GATA4: variants seen among roughly 807,000 people sequenced by gnomAD.
GATA4 encodes transcription factor GATA-4.
In GATA4, 7 loss-of-function variants were observed where a neutral mutation model predicts 37.9. The observed-to-expected ratio is 0.18, with a 90% CI of 0.11 to 0.35. The LOEUF is 0.35. Among genes scored for constraint, GATA4 ranks in the 10% least tolerant of loss-of-function variants. GATA4 has a pLI of 1.00. For synonymous variants in GATA4, 372 were observed against 292.6 expected, an observed-to-expected ratio of 1.27 and a Z score of -2.77; for missense variants, 647 against 653.0, an observed-to-expected ratio of 0.99 and a Z score of 0.10.
Position 11,708,185 on chromosome 8 carries a change from T to C in GATA4, c.-128T>C. The stretch of plus-strand genomic sequence containing the variant: ...TTAAGCGAGTTGGTTTTTTCCCCTT[T>C]GATTTTTGATCTTCGCGACAGTTCC... On this transcript the variant is annotated 5_prime_UTR_variant, in exon 2 of 7. Coordinates refer to ENST00000532059, the MANE Select transcript of GATA4 (RefSeq NM_001308093.3). This position sits in a 1 kb window ranked among gnomAD's most constrained non-coding sequence, Gnocchi z 6.7. 9.1e-7 allele frequency: 1 copy of C among 1,096,070 alleles called. No individual in the cohort carries two copies. Among genetic ancestry groups the C allele is most frequent in the East Asian group, 2.6e-5 (1 of 38,772 alleles). The allele number at this position is 1,096,070 out of a possible 1,614,324, so 67.9% of individuals were successfully genotyped here. A position where few individuals can be genotyped will look rare whatever the true frequency, so the allele number is the denominator to read the frequency against.
intron 4 of GATA4, 26 bp downstream of exon 4, chr8:11,750,262 C>T (rs1381878832): frequency 6.2e-7 from 1 of 1,610,484 alleles, no homozygotes; most frequent in Admixed American, 1.7e-5. Flanking sequence ...GCCCATGCGG[C>T]ATCCTTGCCT....
chr8:11,732,086 A>G (rs1046570817), intron 2 of GATA4, among the ~76,000 whole-genome samples: 2 of 152,252 alleles, frequency 1.3e-5, no homozygotes, highest in Admixed American at 6.5e-5. Context: ...CTGCAAATCT[A>G]TCATATTTAT....
chr8:11,692,231 C>G (rs1799336996), upstream of GATA4, among the ~76,000 whole-genome samples: 1 of 152,178 alleles, frequency 6.6e-6, no homozygotes. Context: ...GAAGGTGGAA[C>G]TGGGGGAAAC....
intron 2 of GATA4, among the ~76,000 whole-genome samples, chr8:11,729,344 C>G (rs138326891): frequency 6.6e-6 from 1 of 151,980 alleles, no homozygotes; most frequent in Non-Finnish European, 1.5e-5. Flanking sequence ...CCAGGGTGAA[C>G]GGATCACGAG....
At chr8:11,681,257 C>A (rs1798961857) in intron 1 of GATA4, 2 of 985,286 alleles carry the variant, frequency 2.0e-6, no homozygotes, top group South Asian at 4.7e-5. Context: ...CGTCTGGGAG[C>A]GACTGGATTC....
At chr8:11,738,592 T>C (rs189949962) in intron 2 of GATA4, among the ~76,000 whole-genome samples, 7 of 152,352 alleles carry the variant, frequency 4.6e-5, no homozygotes, top group Admixed American at 3.3e-4. Flanking sequence ...GGACATGCCA[T>C]AGTGAATATC....
chr8:11,729,571 G>T (rs1801105643), intron 2 of GATA4, among the ~76,000 whole-genome samples: 1 of 137,310 alleles, frequency 7.3e-6, no homozygotes, highest in Admixed American at 7.3e-5. Context: ...AAAAAAAAAT[G>T]CAGAAGCTAC....
rs752425131 is a variant in GATA4, at chr8:11,756,942, A to G, written c.1008A>G (p.Ser336=). ...LNKSKTPAAP[S]GSESLPPASG... is the part of the protein sequence containing the mutation. ...GACTCTGCTTCATTCCAGCTCCTTC[A>G]GGCAGTGAGAGCCTTCCTCCCGCCA... is the stretch of plus-strand genomic sequence containing the variant. Residue 336 remains serine, a synonymous_variant, in exon 6 of 7, where the codon TCA becomes TCG. Coordinates refer to ENST00000532059, the MANE Select transcript of GATA4 (RefSeq NM_001308093.3). The G allele has an allele frequency of 1.3e-5, 21 of 1,614,046 alleles. 1 individual carries two copies. Among genetic ancestry groups the G allele is most frequent in the East Asian group, 2.2e-5 (1 of 44,892 alleles).
chr8:11,755,149 G>A lies in GATA4; in HGVS notation c.1000+16G>A. On this transcript the variant is annotated intron_variant, in intron 5 of 6. Transcript: ENST00000532059. ...ACACCAGCAGGTGAGGAAAAGATCT[G>A]TGAGTGATTATATGAGTACATCAGG... 6.3e-7 allele frequency: 1 copy of A among 1,595,438 alleles called. No homozygotes were observed. Among genetic ancestry groups the A allele is most frequent in the Non-Finnish European group, 8.6e-7 (1 of 1,163,452 alleles).
At chr8:11,701,954 G>T (rs1799690947), upstream of GATA4, among the ~76,000 whole-genome samples, 1 of 152,204 alleles carries the variant, frequency 6.6e-6, no homozygotes, top group East Asian at 1.9e-4. Context: ...GCAAAAGCAG[G>T]CGTTCCCACC....
chr8:11,680,028 T>C (rs1417763800), intron 1 of GATA4, among the ~76,000 whole-genome samples: 1 of 152,212 alleles, frequency 6.6e-6, no homozygotes, highest in East Asian at 1.9e-4. Flanking sequence ...CAAAGTCACA[T>C]CGCCGGGGTC....
chr8:11,683,912 C>T (rs1215729117), intron 1 of GATA4, among the ~76,000 whole-genome samples: 2 of 152,180 alleles, frequency 1.3e-5, no homozygotes, highest in Non-Finnish European at 2.9e-5. Flanking sequence ...GCTCTGTGAA[C>T]GGGAAAGAAT....
chr8:11,702,440 G>A (rs1045933040), upstream of GATA4, among the ~76,000 whole-genome samples: 1 of 151,882 alleles, frequency 6.6e-6, no homozygotes, highest in Non-Finnish European at 1.5e-5. The surrounding 1 kb of genome is among the most constrained non-coding windows in gnomAD (Gnocchi z 4.4). Context: ...GGTCCCTGCC[G>A]CAGGCCTTGG....
At chr8:11,716,450 C>A (rs1018266177) in intron 2 of GATA4, among the ~76,000 whole-genome samples, 2 of 152,094 alleles carry the variant, frequency 1.3e-5, no homozygotes, top group Admixed American at 1.3e-4. Flanking sequence ...TATGCTCAAG[C>A]TTCCTCAAGA....
At position 11,708,873 on chromosome 8, in the gene GATA4, G is replaced by A. The variant is rs1030669628; in HGVS notation, c.561G>A (p.Pro187=). ...CCTCCGCCGGCCCCTTCGACAGCCCGGTCCTGCACAGCCTGCCCGGCCGGG... is the reference window on the plus strand; with the variant it reads ...CCTCCGCCGGCCCCTTCGACAGCCCAGTCCTGCACAGCCTGCCCGGCCGGG... ...AAASAGPFDS[P]VLHSLPGRAN... The change falls in exon 2 of 7, where the codon CCG becomes CCA. Residue 187 remains proline (P), a synonymous_variant. Transcript: ENST00000532059. The surrounding 1 kb of genome is among the most constrained non-coding windows in gnomAD (Gnocchi z 6.7). The A allele has an allele frequency of 2.4e-5, 36 of 1,517,288 alleles. No individual in the cohort carries two copies. Among genetic ancestry groups the A allele is most frequent in the Non-Finnish European group, 3.0e-5 (34 of 1,139,762 alleles). The allele number at this position is 1,517,288 out of a possible 1,614,324, so 94.0% of individuals were successfully genotyped here. A position where few individuals can be genotyped will look rare whatever the true frequency, so the allele number is the denominator to read the frequency against.
At chr8:11,750,310 C>G (rs922211361) in intron 4 of GATA4, 74 bp downstream of exon 4, 2 of 1,584,094 alleles carry the variant, frequency 1.3e-6, no homozygotes, top group South Asian at 1.1e-5. Flanking sequence ...TGTCTTCTTC[C>G]TTTGTACTAG....
intron 1 of GATA4, among the ~76,000 whole-genome samples, chr8:11,680,214 C>A: frequency 6.6e-6 from 1 of 152,234 alleles, no homozygotes; most frequent in East Asian, 1.9e-4. Context: ...ATGTCCCGAC[C>A]CCCGGCTCAA....
intron 1 of GATA4, among the ~76,000 whole-genome samples, chr8:11,682,231 G>A (rs1460949651): frequency 6.6e-6 from 1 of 152,134 alleles, no homozygotes. Flanking sequence ...AAACGGTGTC[G>A]GATGGCTTCT....
chr8:11,708,078 C>A lies in GATA4; in HGVS notation c.-235C>A. On this transcript the variant is annotated 5_prime_UTR_variant, in exon 2 of 7. Transcript: ENST00000532059. This position sits in a 1 kb window ranked among gnomAD's most constrained non-coding sequence, Gnocchi z 6.7. ...CTCCTACATCAGCTTCCGGAACCAC[C>A]AAAAATTCAAATTGGGATTTTCCGG... is the stretch of plus-strand genomic sequence containing the variant. 1.6e-6 allele frequency: 1 copy of A among 611,508 alleles called. No homozygotes were observed. The highest frequency in any genetic ancestry group is 2.9e-6 in the Non-Finnish European group (1 of 340,040). 37.9% of individuals were successfully genotyped at this position (611,508 alleles called of 1,614,324 possible).
Sources: gnomAD v4.1 joint callset for allele counts (sites outside exome capture counted in the v4.1 genomes callset) on GRCh38, gnomAD v4.1.1 for gene constraint, Gnocchi (gnomAD v3.1) non-coding constraint, MANE v1.5 for transcripts, NCBI Gene and HGNC (gene_info 2026-07-23, HGNC 2026-07-21) for gene names.